Variants in ANXA2 observed in about 807,000 individuals in gnomAD.
ANXA2 encodes annexin II.
In ANXA2, 28 loss-of-function variants were observed where a neutral mutation model predicts 47.3. The observed-to-expected ratio is 0.59, with a 90% confidence interval of 0.44 to 0.81. ANXA2 has a LOEUF of 0.81. Among genes scored for constraint, ANXA2 ranks in the 40% least tolerant of loss-of-function variants. ANXA2 has a pLI of 0.00. For synonymous variants in ANXA2, 172 were observed against 155.5 expected (o/e 1.11, Z -0.79); for missense variants, 384 against 414.3 (o/e 0.93, Z 0.64).
chr15:60,347,186 T>C lies in ANXA2; in HGVS notation c.*444A>G, dbSNP rs1895754347. On this transcript the variant is annotated 3_prime_UTR_variant, in exon 13 of 13. Transcript: ENST00000451270. ...TTATTTTATTTCATTTAAATTTAAC[T>C]TAAATAGCGACACTTGGATAGGGGC... The C allele has an allele frequency of 6.4e-6, 1 of 156,822 alleles. No individual in the cohort carries two copies. The highest frequency in any genetic ancestry group is 2.0e-4 in the South Asian group (1 of 4,952). The allele number at this position is 156,822 out of a possible 1,614,324, so 9.7% of individuals were successfully genotyped here.
chr15:60,393,447 A>G, intron 1 of ANXA2: 1 of 1,005,814 alleles, frequency 9.9e-7, no homozygotes, highest in Non-Finnish European at 1.2e-6. Flanking sequence ...CCGCCTACAG[A>G]AAAAAGTCTA....
intron 1 of ANXA2, chr15:60,397,360 AC>A (rs2063094461): frequency 6.1e-6 from 6 of 979,672 alleles, no homozygotes; most frequent in Non-Finnish European, 7.3e-6. Context: ...GGAATAACTG[AC>A]GTTTTAATGT....
chr15:60,351,175 T>C lies in ANXA2; in HGVS notation c.837+18A>G, dbSNP rs770330234. On this transcript the variant is annotated intron_variant, in intron 11 of 12. Coordinates refer to ENST00000451270, the MANE Select transcript of ANXA2 (RefSeq NM_004039.3). ...AGCTGAGTGTGGAAACACAGCTCTCTCAGCCAGCTGCCCTTACCTTCATGG... is the reference window on the plus strand; with the variant it reads ...AGCTGAGTGTGGAAACACAGCTCTCCCAGCCAGCTGCCCTTACCTTCATGG... 5.6e-6 allele frequency: 9 copies of C among 1,613,600 alleles called. No homozygotes were observed. The highest frequency in any genetic ancestry group is 7.6e-6 in the Non-Finnish European group (9 of 1,179,652).
intron 3 of ANXA2, among the ~76,000 whole-genome samples, chr15:60,378,229 T>A (rs767487184): frequency 2.0e-5 from 3 of 152,224 alleles, no homozygotes; most frequent in Non-Finnish European, 4.4e-5. Flanking sequence ...GTTACTGTGG[T>A]GATGACTGCA....
At chr15:60,397,199 T>G in intron 1 of ANXA2, 1 of 896,204 alleles carries the variant, frequency 1.1e-6, no homozygotes, top group Non-Finnish European at 1.3e-6. Context: ...TCCTGACTCA[T>G]TGTCACATCA....
intron 1 of ANXA2, 141 bp downstream of exon 1, chr15:60,397,802 C>A: frequency 7.6e-7 from 1 of 1,308,790 alleles, no homozygotes; most frequent in African/African-American, 1.5e-5. Context: ...CAGTGCCGGC[C>A]GTCCCTTCAG....
intron 1 of ANXA2, 146 bp downstream of exon 1, chr15:60,397,797 C>A (rs926622311): frequency 1.2e-5 from 15 of 1,272,928 alleles, no homozygotes; most frequent in Non-Finnish European, 1.4e-5. Context: ...CTCTCCAGTG[C>A]CGGCCGTCCC....
At chr15:60,369,600 A>G (rs893589343) in intron 3 of ANXA2, among the ~76,000 whole-genome samples, 13 of 152,238 alleles carry the variant, frequency 8.5e-5, no homozygotes, top group African/African-American at 2.9e-4. Context: ...CCCCACCTGC[A>G]TTAAAATCAC....
At chr15:60,359,569 T>G (rs933115796) in intron 5 of ANXA2, among the ~76,000 whole-genome samples, 2 of 152,216 alleles carry the variant, frequency 1.3e-5, no homozygotes, top group African/African-American at 4.8e-5. Flanking sequence ...TGGGCTAAGC[T>G]GAAGAACTAA....
intron 4 of ANXA2, among the ~76,000 whole-genome samples, 157 bp from the exon 5 acceptor site, chr15:60,361,211 A>G (rs1173828209): frequency 6.6e-6 from 1 of 152,238 alleles, no homozygotes; most frequent in African/African-American, 2.4e-5. Context: ...TCCCTTCAAC[A>G]GACCCACATC....
At chr15:60,373,500 C>A (rs2062737127) in intron 3 of ANXA2, among the ~76,000 whole-genome samples, 2 of 152,188 alleles carry the variant, frequency 1.3e-5, no homozygotes, top group African/African-American at 2.4e-5. Context: ...TGGCCCGGAA[C>A]CCCTGCTGTA....
intron 1 of ANXA2, chr15:60,393,057 C>A (rs771507206): frequency 4.7e-6 from 6 of 1,286,694 alleles, no homozygotes; most frequent in Non-Finnish European, 6.1e-6. Flanking sequence ...AGCAGATATT[C>A]TTCTCCTTGG....
At chr15:60,397,387 G>A in intron 1 of ANXA2, 7 of 907,116 alleles carry the variant, frequency 7.7e-6, no homozygotes, top group Non-Finnish European at 9.2e-6. Flanking sequence ...TTTATGGGGG[G>A]CTGAGGGGTG....
chr15:60,354,024 A>T, intron 8 of ANXA2, 130 bp downstream of exon 8: 1 of 653,754 alleles, frequency 1.5e-6, no homozygotes, highest in Middle Eastern at 4.4e-4. Context: ...GAAACTGAGA[A>T]ATAATACATG....
chr15:60,353,773 C>T (rs539678826), intron 8 of ANXA2, among the ~76,000 whole-genome samples: 1 of 152,284 alleles, frequency 6.6e-6, no homozygotes, highest in African/African-American at 2.4e-5. Flanking sequence ...ATTGCTTGCT[C>T]TGGGGAAAGC....
At position 60,351,771 on chromosome 15, in the gene ANXA2, A is replaced by T; in HGVS notation, c.731T>A (p.Ile244Asn). ...SYSPYDMLES[I>N]RKEVKGDLEN... ...CAGGTCTCCTTTAACCTCTTTCCTG[A>T]TGCTTTCCAACATGTCATAAGGGCT... is the stretch of plus-strand genomic sequence containing the variant. The change falls in exon 10 of 13, where the codon ATC (isoleucine) becomes AAC (asparagine). Residue 244 changes from isoleucine to asparagine, a missense_variant. Transcript: ENST00000451270. 1 of 1,613,992 alleles carries T rather than the reference A, an allele frequency of 6.2e-7. No individual in the cohort carries two copies. The highest frequency in any genetic ancestry group is 8.5e-7 in the Non-Finnish European group (1 of 1,179,866).
intron 1 of ANXA2, among the ~76,000 whole-genome samples, chr15:60,389,283 C>A (rs952281452): frequency 6.6e-6 from 1 of 152,204 alleles, no homozygotes; most frequent in Non-Finnish European, 1.5e-5. Context: ...AGAGTTGTTT[C>A]CACTTAGAGA....
chr15:60,348,878 G>T (rs1034296505), intron 12 of ANXA2, among the ~76,000 whole-genome samples, 197 bp downstream of exon 12: 2 of 152,138 alleles, frequency 1.3e-5, no homozygotes, highest in African/African-American at 4.8e-5. Context: ...TAAAACATCT[G>T]CCTGATTGTA....
chr15:60,391,107 C>G lies in ANXA2; in HGVS notation c.-11-5021G>C, dbSNP rs192520685. 8 of 152,386 alleles carry G rather than the reference C, an allele frequency of 5.2e-5. No homozygotes were observed. The East Asian group carries it at 1.5e-3, about 29-fold the overall frequency. 9.4% of individuals were successfully genotyped at this position (152,386 alleles called of 1,614,324 possible). A position where few individuals can be genotyped will look rare whatever the true frequency, so the allele number is the denominator to read the frequency against. The stretch of plus-strand genomic sequence containing the variant: ...AAATGCAGACTTCCACCCTGCAGGA[C>G]CTTTGAGCTCTCTTCCCTTCGTGCC... On this transcript the variant is annotated intron_variant, in intron 1 of 12. Transcript: ENST00000451270.
Sources: allele counts gnomAD v4.1 joint callset (sites outside exome capture counted in the v4.1 genomes callset), GRCh38; gene constraint gnomAD v4.1.1; transcripts MANE v1.5; gene names NCBI Gene and HGNC (gene_info 2026-07-23, HGNC 2026-07-21).